The following C7orf57 variants were observed in gnomAD, a reference collection of about 807,000 sequenced individuals.
C7orf57 encodes uncharacterized protein C7orf57.
A neutral mutation model predicts 39.0 loss-of-function variants in C7orf57; 33 were observed. The ratio of observed to expected loss-of-function variants is 0.85; its 90% CI spans 0.64 to 1.13. C7orf57 has a LOEUF of 1.13. C7orf57 is among the 50% of genes most tolerant of loss of function. The pLI is 0.00. For missense variants in C7orf57, 346 were observed against 362.3 expected (o/e 0.95, Z 0.37); for synonymous variants, 124 against 137.1 (o/e 0.90, Z 0.67).
rs766896238 is a variant in C7orf57, at chr7:48,051,762, C to CTTTCT, written c.606-935_606-931dup. Reference sequence around the variant, plus strand: ...TTCTTTCTTTTTCTTTTCTTTCTTTCTTTCTTTCTTTCTTTCTTTCTTTCT... The same window carrying CTTTCT: ...TTCTTTCTTTTTCTTTTCTTTCTTTCTTTCTTTTCTTTCTTTCTTTCTTTCTTTCT... On this transcript the variant is annotated intron_variant, in intron 6 of 8. Transcript: ENST00000348904. 2.5e-3 allele frequency among the ~76,000 whole-genome samples: 87 copies of CTTTCT among 34,748 alleles called. 2 individuals carry two copies. Among genetic ancestry groups the CTTTCT allele is most frequent in the African/African-American group, 5.8e-3 (77 of 13,228 alleles). The allele number at this position is 34,748 out of a possible 152,430, so 22.8% of individuals were successfully genotyped here.
chr7:48,044,518 C>T (rs982183194), intron 4 of C7orf57, among the ~76,000 whole-genome samples: 13 of 152,188 alleles, frequency 8.5e-5, no homozygotes, highest in African/African-American at 1.9e-4. Context: ...CCTGATTGGT[C>T]GGGTGTGAGC....
intron 7 of C7orf57, among the ~76,000 whole-genome samples, chr7:48,054,153 G>A (rs1018887661): frequency 6.6e-6 from 1 of 152,176 alleles, no homozygotes; most frequent in Non-Finnish European, 1.5e-5. Context: ...GGTGGCTCAC[G>A]CCTGTAATCC....
Position 48,035,672 on chromosome 7 carries a change from T to C in C7orf57, c.-102+42T>C. On this transcript the variant is annotated intron_variant, in intron 1 of 8. Coordinates refer to ENST00000348904, the MANE Select transcript of C7orf57 (RefSeq NM_001100159.3). This position sits in a 1 kb window ranked among gnomAD's most constrained non-coding sequence, Gnocchi z 4.0. ...TGGAGGACAATGGGGGCGCCCACTG[T>C]GGTCCCGGGCCTTGTCCACTGTGCG... 3.1e-6 allele frequency: 2 copies of C among 636,598 alleles called. No homozygotes were observed. The highest frequency in any genetic ancestry group is 3.4e-5 in the South Asian group (2 of 58,244). 39.4% of individuals were successfully genotyped at this position (636,598 alleles called of 1,614,324 possible).
chr7:48,055,156 G>A (rs949223385), intron 8 of C7orf57, among the ~76,000 whole-genome samples: 29 of 152,304 alleles, frequency 1.9e-4, no homozygotes, highest in African/African-American at 6.5e-4. Context: ...GATTACAGGC[G>A]TGAGCTACCG....
Position 48,052,614 on chromosome 7 carries a change from C to A in C7orf57, c.606-86C>A, listed in dbSNP as rs552256009. 1.9e-3 allele frequency: 2,060 copies of A among 1,093,970 alleles called. 45 individuals are homozygous for A. The South Asian group carries it at 0.028, about 15-fold the overall frequency. The allele number at this position is 1,093,970 out of a possible 1,614,324, so 67.8% of individuals were successfully genotyped here. A position where few individuals can be genotyped will look rare whatever the true frequency, so the allele number is the denominator to read the frequency against. On this transcript the variant is annotated intron_variant, in intron 6 of 8. Transcript: ENST00000348904. ...TAGGTTTAAAGGGACAGTGACACCT[C>A]CTATTTGGTGTGTTCACGGAATACT... is the stretch of plus-strand genomic sequence containing the variant.
rs781013700 is a variant in C7orf57, at chr7:48,046,622, G to A, written c.507+6G>A. 4.0e-5 allele frequency: 64 copies of A among 1,609,800 alleles called. No homozygotes were observed. Among genetic ancestry groups the A allele is most frequent in the Non-Finnish European group, 5.1e-5 (60 of 1,178,070 alleles). On this transcript the variant is annotated splice_donor_region_variant and intron_variant, in intron 5 of 8. Coordinates refer to ENST00000348904, the MANE Select transcript of C7orf57 (RefSeq NM_001100159.3). ...TTGAAAAGGAGAAAAAAAAGGTGAC[G>A]GGAGCCCATAAATAGACGGCATCCG...
rs369319041 is a variant in C7orf57 at position 48,052,747 on chromosome 7, G to T, written c.653G>T (p.Ser218Ile). Residue 218 changes from serine to isoleucine, a missense_variant, in exon 7 of 9, where the codon AGC becomes ATC. By Grantham distance (142) the Ser-to-Ile change is moderately radical (BLOSUM62 -2). Coordinates refer to ENST00000348904, the MANE Select transcript of C7orf57 (RefSeq NM_001100159.3). Reference sequence around the variant, plus strand: ...CCTACCAATTTTTCCAAACTCATTAGCAATGGTTATAAGGATGAGTGGTTG... The same window carrying T: ...CCTACCAATTTTTCCAAACTCATTATCAATGGTTATAAGGATGAGTGGTTG... ...SSPTNFSKLI[S>I]NGYKDEWLQQ... 1.9e-6 allele frequency: 3 copies of T among 1,613,900 alleles called. No homozygotes were observed. Among genetic ancestry groups the T allele is most frequent in the African/African-American group, 1.3e-5 (1 of 74,936 alleles).
chr7:48,055,120 C>A (rs1791080786), intron 8 of C7orf57, among the ~76,000 whole-genome samples: 1 of 152,166 alleles, frequency 6.6e-6, no homozygotes, highest in Non-Finnish European at 1.5e-5. Flanking sequence ...TCGTGATCCA[C>A]CTGCCTCGGC....
chr7:48,043,905 G>A (rs976049643), intron 4 of C7orf57, among the ~76,000 whole-genome samples: 2 of 152,176 alleles, frequency 1.3e-5, no homozygotes, highest in Non-Finnish European at 1.5e-5. Flanking sequence ...CTGCTTCCAA[G>A]ATGGTGGTGG....
chr7:48,041,661 G>C (rs897412781), intron 3 of C7orf57, 142 bp downstream of exon 3: 2 of 614,386 alleles, frequency 3.3e-6, no homozygotes, highest in African/African-American at 3.7e-5. Flanking sequence ...GGTTAATTAG[G>C]TGTAGGGATG....
At chr7:48,055,048 T>C (rs1219226575) in intron 8 of C7orf57, among the ~76,000 whole-genome samples, 1 of 152,150 alleles carries the variant, frequency 6.6e-6, no homozygotes, top group Non-Finnish European at 1.5e-5. Flanking sequence ...AGCTAATTTT[T>C]TGTATTTTTA....
chr7:48,043,433 T>C (rs1258470746), intron 3 of C7orf57, 48 bp from the exon 4 acceptor site: 12 of 1,416,306 alleles, frequency 8.5e-6, no homozygotes, highest in Non-Finnish European at 1.2e-5. Flanking sequence ...TGTGCGTCTG[T>C]GTAGGGGCGG....
chr7:48,052,862 T>TC lies in C7orf57; in HGVS notation c.772dup (p.Gln258ProfsTer13), dbSNP rs1405779442. Reference sequence around the variant, plus strand: ...CTCAGTCCCCACGAGACCTGGAAGGTCCCCAGGATGCAGCCAGGCTCCAGG... The same window carrying TC: ...CTCAGTCCCCACGAGACCTGGAAGGTCCCCCAGGATGCAGCCAGGCTCCAGG... On this transcript the variant is annotated frameshift_variant, in exon 7 of 9. Transcript: ENST00000348904. LOFTEE classifies it high-confidence loss of function. 1.9e-6 allele frequency: 3 copies of TC among 1,613,818 alleles called. No homozygotes were observed. The highest frequency in any genetic ancestry group is 2.5e-6 in the Non-Finnish European group (3 of 1,179,860).
intron 5 of C7orf57, among the ~76,000 whole-genome samples, 162 bp downstream of exon 5, chr7:48,046,778 G>C (rs563990798): frequency 6.6e-6 from 1 of 152,346 alleles, no homozygotes; most frequent in African/African-American, 2.4e-5. Flanking sequence ...AGGCAAGCAG[G>C]CACCATACTA....
chr7:48,049,797 T>C (rs909059), intron 5 of C7orf57, 83 bp from the exon 6 acceptor site: 868,515 of 976,696 alleles, frequency 0.89, 388,491 homozygotes, highest in Non-Finnish European at 0.93. Context: ...AAGCTTTGTA[T>C]CTTTGCTACC....
chr7:48,046,964 T>A (rs1358144004), intron 5 of C7orf57, among the ~76,000 whole-genome samples: 1 of 152,222 alleles, frequency 6.6e-6, no homozygotes, highest in Non-Finnish European at 1.5e-5. Context: ...TATTTTCATT[T>A]ATTTAAGTAT....
At chr7:48,048,612 C>T (rs1038823216) in intron 5 of C7orf57, among the ~76,000 whole-genome samples, 4 of 152,086 alleles carry the variant, frequency 2.6e-5, no homozygotes, top group South Asian at 2.1e-4. Context: ...TTAGGTAGAG[C>T]GAAACCCACC....
chr7:48,042,591 T>TG (rs1315615047), intron 3 of C7orf57, among the ~76,000 whole-genome samples: 3 of 152,038 alleles, frequency 2.0e-5, no homozygotes, highest in Non-Finnish European at 4.4e-5. Context: ...GAATATTGTT[T>TG]GGGGAGCCTA....
chr7:48,041,623 T>A, intron 3 of C7orf57, 104 bp downstream of exon 3: 2 of 996,796 alleles, frequency 2.0e-6, no homozygotes, highest in Non-Finnish European at 2.8e-6. Flanking sequence ...AGAGTCTGTA[T>A]GTTTAGCTTA....
Sources: gnomAD v4.1 joint callset for allele counts (sites outside exome capture counted in the v4.1 genomes callset) on GRCh38, gnomAD v4.1.1 for gene constraint, Gnocchi (gnomAD v3.1) non-coding constraint, MANE v1.5 for transcripts, NCBI Gene and HGNC (gene_info 2026-07-23, HGNC 2026-07-21) for gene names.